SYTL5: variants seen among roughly 807,000 people sequenced by gnomAD.
The protein encoded by SYTL5 is synaptotagmin-like protein 5.
In SYTL5, 34 loss-of-function variants were observed where a neutral mutation model predicts 55.9. The ratio of observed to expected loss-of-function variants is 0.61; its 90% CI spans 0.46 to 0.81. SYTL5 has a LOEUF of 0.81. Ranked by LOEUF, SYTL5 falls within the 30% of genes least tolerant of loss-of-function variation. SYTL5 has a pLI of 0.00. For synonymous variants in SYTL5, 221 were observed against 188.7 expected, an observed-to-expected ratio of 1.17 and a Z score of -1.40; for missense variants, 637 against 546.7, an observed-to-expected ratio of 1.17 and a Z score of -1.65.
chrX:38,108,098 T>C (rs1937260721), intron 11 of SYTL5, among the ~76,000 whole-genome samples: 1 of 111,835 alleles, frequency 8.9e-6, no homozygotes, highest in Non-Finnish European at 1.9e-5. Flanking sequence ...TTGACCCCAC[T>C]CTCTGACATC....
chrX:37,963,174 C>A, the SYTL5 span, among the ~76,000 whole-genome samples: 1 of 111,041 alleles, frequency 9.0e-6, no homozygotes. Context: ...ATTTTATTCA[C>A]CTTGATGCTA....
the SYTL5 span, among the ~76,000 whole-genome samples, chrX:37,985,014 A>G: frequency 8.9e-6 from 1 of 112,226 alleles, no homozygotes; most frequent in Non-Finnish European, 1.9e-5. Context: ...ACCTACAGCC[A>G]ACATCATACT....
At chrX:38,091,194 G>C (rs758138911) in intron 7 of SYTL5, among the ~76,000 whole-genome samples, 10 of 112,107 alleles carry the variant, frequency 8.9e-5, no homozygotes, top group African/African-American at 2.9e-4. Context: ...TACCCCATGT[G>C]AGAGATTGGG....
At chrX:38,101,824 C>CA (rs74314259) in intron 9 of SYTL5, among the ~76,000 whole-genome samples, 311 of 67,516 alleles carry the variant, frequency 4.6e-3, no homozygotes, top group South Asian at 0.01. Flanking sequence ...AATAACTAGG[C>CA]AAAAAAAAAA....
At chrX:38,088,290 C>T (rs1293745299) in intron 6 of SYTL5, among the ~76,000 whole-genome samples, 1 of 111,863 alleles carries the variant, frequency 8.9e-6, no homozygotes, top group East Asian at 2.8e-4. Context: ...TCTATTTAAC[C>T]TTTCCTCTTA....
chrX:37,964,420 T>G, the SYTL5 span, among the ~76,000 whole-genome samples: 1 of 112,210 alleles, frequency 8.9e-6, no homozygotes, highest in East Asian at 2.8e-4. Flanking sequence ...TGTTGAACCA[T>G]CCTTACATCC....
chrX:38,070,621 T>G (rs1177706402), intron 3 of SYTL5, among the ~76,000 whole-genome samples: 1 of 111,248 alleles, frequency 9.0e-6, no homozygotes, highest in African/African-American at 3.3e-5. Context: ...ACCTCAGCAT[T>G]CAAATATTTG....
intron 6 of SYTL5, among the ~76,000 whole-genome samples, chrX:38,088,883 A>C (rs965539781): frequency 2.7e-5 from 3 of 112,333 alleles, no homozygotes; most frequent in Non-Finnish European, 3.8e-5. Context: ...ACATATGTGG[A>C]TCCATTAGGG....
Position 38,127,328 on chromosome X carries a change from A to G in SYTL5, c.*598A>G. The G allele has an allele frequency of 8.9e-6, 1 of 112,330 alleles. No homozygotes were observed. Among genetic ancestry groups the G allele is most frequent in the Admixed American group, 9.4e-5 (1 of 10,605 alleles). The allele number at this position is 112,330 out of a possible 1,213,427, so 9.3% of individuals were successfully genotyped here. On this transcript the variant is annotated 3_prime_UTR_variant, in exon 17 of 17. Coordinates refer to ENST00000297875, the MANE Select transcript of SYTL5 (RefSeq NM_138780.3). The stretch of plus-strand genomic sequence containing the variant: ...CATCTAAATCAGTTTACTTTTTAGA[A>G]CAAAGAGAGCTAAATAACTACATCA...
chrX:38,100,629 A>G (rs1937059029), intron 9 of SYTL5, among the ~76,000 whole-genome samples: 2 of 111,609 alleles, frequency 1.8e-5, no homozygotes, highest in Non-Finnish European at 3.8e-5. Context: ...TGAAAAAAAT[A>G]TCTAACAATA....
At chrX:38,090,560 A>G (rs1260503804) in intron 7 of SYTL5, among the ~76,000 whole-genome samples, 2 of 112,290 alleles carry the variant, frequency 1.8e-5, no homozygotes, top group Admixed American at 9.5e-5. Flanking sequence ...GCTGGCATCT[A>G]TATTTGATAA....
the SYTL5 span, among the ~76,000 whole-genome samples, chrX:37,967,441 C>T: frequency 9.0e-6 from 1 of 111,669 alleles, no homozygotes; most frequent in South Asian, 3.7e-4. Flanking sequence ...TTGAATTTCC[C>T]TTATACATGC....
At chrX:37,978,465 C>G in the SYTL5 span, among the ~76,000 whole-genome samples, 1 of 112,123 alleles carries the variant, frequency 8.9e-6, no homozygotes, top group Non-Finnish European at 1.9e-5. Context: ...CAGGCTCTGT[C>G]TTTTCCCAGA....
the SYTL5 span, among the ~76,000 whole-genome samples, chrX:37,903,236 A>C: frequency 9.1e-6 from 1 of 109,950 alleles, no homozygotes; most frequent in Non-Finnish European, 1.9e-5. Flanking sequence ...TGCTGCTATA[A>C]AGACACATGC....
the SYTL5 span, among the ~76,000 whole-genome samples, chrX:37,905,437 GT>G: frequency 1.2e-3 from 115 of 96,913 alleles, 3 homozygotes; most frequent in Middle Eastern, 5.3e-3. Context: ...GTGTGTGTGT[GT>G]GGGGGGGGCG....
At chrX:38,073,996 A>C (rs1602369128) in intron 5 of SYTL5, among the ~76,000 whole-genome samples, 1 of 112,081 alleles carries the variant, frequency 8.9e-6, no homozygotes, top group East Asian at 2.8e-4. Flanking sequence ...TGCCAGGATC[A>C]GTCTATAAAG....
chrX:38,038,979 C>T (rs1385746447), intron 2 of SYTL5, among the ~76,000 whole-genome samples: 18 of 111,403 alleles, frequency 1.6e-4, no homozygotes, highest in African/African-American at 5.6e-4. Context: ...CTTCACAGTC[C>T]ACATACCCAC....
At chrX:37,992,586 G>A in the SYTL5 span, among the ~76,000 whole-genome samples, 1 of 112,646 alleles carries the variant, frequency 8.9e-6, no homozygotes, top group African/African-American at 3.2e-5. Flanking sequence ...GTAAACTGCT[G>A]TTCCACACAG....
the SYTL5 span, among the ~76,000 whole-genome samples, chrX:37,916,318 C>T: frequency 1.8e-5 from 2 of 112,435 alleles, no homozygotes; most frequent in African/African-American, 6.5e-5. Flanking sequence ...CCTAACCTTC[C>T]ACTAAAACAC....
Sources: allele counts gnomAD v4.1 joint callset (sites outside exome capture counted in the v4.1 genomes callset), GRCh38; gene constraint gnomAD v4.1.1; transcripts MANE v1.5; gene names NCBI Gene and HGNC (gene_info 2026-07-23, HGNC 2026-07-21).